Variants in DSTYK observed in about 807,000 individuals in gnomAD.
DSTYK encodes the protein dual serine/threonine and tyrosine protein kinase, also known as RIP-homologous kinase.
In DSTYK, 34 loss-of-function variants were observed where a neutral mutation model predicts 98.7. The ratio of observed to expected loss-of-function variants is 0.34; its 90% confidence interval spans 0.26 to 0.46. DSTYK has a LOEUF of 0.46. Among genes scored for constraint, DSTYK ranks in the 20% least tolerant of loss-of-function variants. DSTYK has a pLI of 1.00. For missense variants in DSTYK, 962 were observed against 1,181.7 expected (o/e 0.81, Z 2.73); for synonymous variants, 462 against 457.3 (o/e 1.01, Z -0.13).
rs1657116491 is a variant in DSTYK, at chr1:205,142,948, T to A, written c.*4610A>T. The A allele has an allele frequency of 6.6e-6, 1 of 152,100 alleles. No individual in the cohort carries two copies. Among genetic ancestry groups the A allele is most frequent in the Admixed American group, 6.6e-5 (1 of 15,264 alleles). 9.4% of individuals were successfully genotyped at this position (152,100 alleles called of 1,614,324 possible). On this transcript the variant is annotated 3_prime_UTR_variant, in exon 13 of 13. Transcript: ENST00000367162. ...TAGATGTCCTGATGCACCTCTGAGA[T>A]CACCTCAATTGGACTGGATGTTAAC... is the stretch of plus-strand genomic sequence containing the variant.
intron 1 of DSTYK, among the ~76,000 whole-genome samples, chr1:205,199,908 C>T (rs2102472857): frequency 6.6e-6 from 1 of 152,284 alleles, no homozygotes; most frequent in Non-Finnish European, 1.5e-5. Flanking sequence ...ATGAAAGAAG[C>T]TCTAATAGTA....
At chr1:205,191,403 C>A (rs911834455) in intron 1 of DSTYK, among the ~76,000 whole-genome samples, 1 of 152,182 alleles carries the variant, frequency 6.6e-6, no homozygotes, top group African/African-American at 2.4e-5. Context: ...GGGAACAGCA[C>A]GAGAATGAAG....
At chr1:205,147,964 A>G (rs1657291902) in intron 12 of DSTYK, among the ~76,000 whole-genome samples, 1 of 152,224 alleles carries the variant, frequency 6.6e-6, no homozygotes, top group South Asian at 2.1e-4. Flanking sequence ...GGAACACATT[A>G]GCATATGAAG....
chr1:205,149,897 A>G (rs1304323093), intron 11 of DSTYK, among the ~76,000 whole-genome samples: 1 of 152,072 alleles, frequency 6.6e-6, no homozygotes, highest in Non-Finnish European at 1.5e-5. Context: ...CCCCTTCTTT[A>G]GCCTCCAGAA....
chr1:205,178,387 A>G (rs1574776834), intron 2 of DSTYK, among the ~76,000 whole-genome samples: 2 of 152,158 alleles, frequency 1.3e-5, no homozygotes, highest in South Asian at 4.1e-4. Flanking sequence ...ACTGATGCAG[A>G]TAACAGTAGA....
At position 205,211,418 on chromosome 1, in the gene DSTYK, G is replaced by T. The variant is rs1268641294; in HGVS notation, c.118C>A (p.Arg40=). 1 of 1,609,508 alleles carries T rather than the reference G, an allele frequency of 6.2e-7. No individual in the cohort carries two copies. Among genetic ancestry groups the T allele is most frequent in the Non-Finnish European group, 8.5e-7 (1 of 1,178,972 alleles). The change falls in exon 1 of 13, where the codon CGG becomes AGG. Residue 40 remains arginine, a synonymous_variant. Coordinates refer to ENST00000367162, the MANE Select transcript of DSTYK (RefSeq NM_015375.3). Reference sequence around the variant, plus strand: ...GTCTCGCGCAGGTTCTGTCGCAGCCGTCCCAGGTAGCGGCGGTAGCGGCCG... The same window carrying T: ...GTCTCGCGCAGGTTCTGTCGCAGCCTTCCCAGGTAGCGGCGGTAGCGGCCG... ...GFGRYRRYLG[R]LRQNLRETQK... is the part of the protein sequence containing the mutation.
intron 10 of DSTYK, among the ~76,000 whole-genome samples, chr1:205,154,317 TATG>T (rs1281450511): frequency 6.6e-6 from 1 of 152,176 alleles, no homozygotes; most frequent in Non-Finnish European, 1.5e-5. Flanking sequence ...TACTTTCTGA[TATG>T]ATTTGTCCCC....
intron 9 of DSTYK, 145 bp downstream of exon 9, chr1:205,159,402 G>C: frequency 9.0e-7 from 1 of 1,115,786 alleles, no homozygotes; most frequent in Non-Finnish European, 1.2e-6. Flanking sequence ...AAATCTTTAA[G>C]GGTTTTTGGA....
chr1:205,202,653 G>A, intron 1 of DSTYK: 2 of 1,199,688 alleles, frequency 1.7e-6, no homozygotes, highest in East Asian at 2.3e-5. Flanking sequence ...AAAAGGAACA[G>A]ATTGTTCCTA....
At chr1:205,161,442 T>C in intron 6 of DSTYK, 55 bp from the exon 7 acceptor site, 1 of 1,571,744 alleles carries the variant, frequency 6.4e-7, no homozygotes, top group Non-Finnish European at 8.7e-7. Flanking sequence ...TTCAGCTTCC[T>C]CACCTGTTAT....
intron 9 of DSTYK, 63 bp downstream of exon 9, chr1:205,159,484 G>C: frequency 1.3e-6 from 2 of 1,536,060 alleles, no homozygotes; most frequent in Non-Finnish European, 1.8e-6. Flanking sequence ...AAACAGGAGA[G>C]GATGAGTGGC....
intron 1 of DSTYK, among the ~76,000 whole-genome samples, chr1:205,196,065 G>T (rs1278493314): frequency 6.6e-6 from 1 of 152,158 alleles, no homozygotes; most frequent in African/African-American, 2.4e-5. Context: ...ATGTCAAAAG[G>T]ACACAGGAAC....
chr1:205,195,092 G>A (rs1483289668), intron 1 of DSTYK, among the ~76,000 whole-genome samples: 1 of 150,710 alleles, frequency 6.6e-6, no homozygotes, highest in African/African-American at 2.4e-5. Flanking sequence ...CTCCCAAAGT[G>A]CTGAGATTAC....
chr1:205,209,559 C>T (rs938313159), intron 1 of DSTYK, among the ~76,000 whole-genome samples: 1 of 151,406 alleles, frequency 6.6e-6, no homozygotes, highest in Non-Finnish European at 1.5e-5. Flanking sequence ...TAAATGATAC[C>T]GTTCCATTTA....
intron 10 of DSTYK, among the ~76,000 whole-genome samples, chr1:205,155,792 C>A (rs1657541188): frequency 6.6e-6 from 1 of 152,140 alleles, no homozygotes; most frequent in South Asian, 2.1e-4. Context: ...GGTAAAATTT[C>A]TCCAGGGCAT....
chr1:205,161,352 C>G lies in DSTYK; in HGVS notation c.1854G>C (p.Thr618=). The stretch of plus-strand genomic sequence containing the variant: ...TCCGAACCCTCAGCCATAGATCTTC[C>G]GTTTTCTCTAACCGGCCTGAGTGGC... ...EAGHSGRLEK[T]EDLWLRVRKD... The change falls in exon 7 of 13, where the codon ACG becomes ACC. Residue 618 remains threonine, a synonymous_variant. Transcript: ENST00000367162. 6.2e-7 allele frequency: 1 copy of G among 1,614,164 alleles called. No individual in the cohort carries two copies.
In DSTYK at chr1:205,148,785, AATATAAT is replaced by A. The variant is rs111235104; in HGVS notation, c.2468-453_2468-447del. On this transcript the variant is annotated intron_variant, in intron 11 of 12. Coordinates refer to ENST00000367162, the MANE Select transcript of DSTYK (RefSeq NM_015375.3). ...TTTTAGAGTAGGAGGTGACATGAAGAATATAATATTTTAGAAAGATGATTCCAACAGC... is the reference window on the plus strand; with the variant it reads ...TTTTAGAGTAGGAGGTGACATGAAGAATTTTAGAAAGATGATTCCAACAGC... 8.6e-3 allele frequency among the ~76,000 whole-genome samples: 1,313 copies of A among 152,304 alleles called. 22 individuals are homozygous for A. Among genetic ancestry groups the A allele is most frequent in the African/African-American group, 0.03 (1,257 of 41,564 alleles).
At chr1:205,191,415 C>T (rs192525790) in intron 1 of DSTYK, among the ~76,000 whole-genome samples, 2 of 152,308 alleles carry the variant, frequency 1.3e-5, no homozygotes, top group Admixed American at 1.3e-4. Flanking sequence ...AGAATGAAGG[C>T]AGGCTTTGCC....
Position 205,157,311 on chromosome 1 carries a change from C to T in DSTYK, c.2314G>A (p.Gly772Arg), listed in dbSNP as rs1657590604. Residue 772 changes from glycine (G) to arginine (R), a missense_variant, in exon 10 of 13, where the codon GGA (glycine) becomes AGA (arginine). By Grantham distance (125) the Gly-to-Arg change is moderately radical. Around this residue, in one of 4 missense-constraint regions of DSTYK, gnomAD observed 69 missense variants for 142.9 expected, o/e 0.48. Coordinates refer to ENST00000367162, the MANE Select transcript of DSTYK (RefSeq NM_015375.3). ...VEGIRFLHSQ[G>R]LVHRDIKLKN... ...AGTTTGATATCACGATGGACAAGTC[C>T]CTGGCTGTGCAGGAAGCGGATTCCC... 2 of 1,614,084 alleles carry T rather than the reference C, an allele frequency of 1.2e-6. No homozygotes were observed. Among genetic ancestry groups the T allele is most frequent in the Non-Finnish European group, 1.7e-6 (2 of 1,180,004 alleles).
Sources: allele counts gnomAD v4.1 joint callset (sites outside exome capture counted in the v4.1 genomes callset), GRCh38; gene constraint gnomAD v4.1.1; regional missense constraint gnomAD v4.1.1; transcripts MANE v1.5; gene names NCBI Gene and HGNC (gene_info 2026-07-23, HGNC 2026-07-21).